Variants in C8orf34 observed in about 807,000 individuals in gnomAD.
C8orf34 encodes the protein chromosome 8 open reading frame 34.
In C8orf34, 65 loss-of-function variants were observed where a neutral mutation model predicts 68.3. The observed-to-expected ratio is 0.95, with a 90% CI of 0.78 to 1.17. C8orf34 has a LOEUF of 1.17. Among genes scored for constraint, C8orf34 ranks in the 50% most tolerant of loss-of-function variants. C8orf34 has a pLI of 0.00. For synonymous variants in C8orf34, 244 were observed against 241.2 expected, an observed-to-expected ratio of 1.01 and a Z score of -0.11; for missense variants, 664 against 655.4, an observed-to-expected ratio of 1.01 and a Z score of -0.14.
At position 68,602,497 on chromosome 8, in the gene C8orf34, C is replaced by T. The variant is rs116518816; in HGVS notation, c.1106-37879C>T. On this transcript the variant is annotated intron_variant, in intron 7 of 13. Transcript: ENST00000518698. ...AGCCCCTTATAAAACCATCAGATCT[C>T]TTGAGAACTTACTCACCATCACGAG... 3.5e-3 allele frequency among the ~76,000 whole-genome samples: 526 copies of T among 152,100 alleles called. 5 individuals carry two copies. Among genetic ancestry groups the T allele is most frequent in the African/African-American group, 0.012 (504 of 41,496 alleles).
At chr8:68,409,441 T>A (rs1809350388) in intron 1 of C8orf34, among the ~76,000 whole-genome samples, 1 of 152,138 alleles carries the variant, frequency 6.6e-6, no homozygotes. Flanking sequence ...CTTAGTTTTT[T>A]AACAAAATTT....
rs546905398 is a variant in C8orf34 at position 68,343,027 on chromosome 8, G to A, written c.327+11688G>A. Among the ~76,000 whole-genome samples the A allele has an allele frequency of 2.0e-5, 3 of 152,142 alleles. No homozygotes were observed. In the South Asian group the frequency reaches 6.2e-4, roughly 32 times the overall value. On this transcript the variant is annotated intron_variant, in intron 1 of 13. Transcript: ENST00000518698. ...AGTTTGGTACTGTATATAGTTTCAG[G>A]CATCCATTTGGGGTCTTGGAATGAA...
intron 2 of C8orf34, among the ~76,000 whole-genome samples, chr8:68,440,693 A>G (rs1342516901): frequency 6.6e-6 from 1 of 152,140 alleles, no homozygotes; most frequent in Non-Finnish European, 1.5e-5. Context: ...AGGTACTAAG[A>G]TGGTACCCAC....
intron 7 of C8orf34, among the ~76,000 whole-genome samples, chr8:68,624,310 C>G (rs1415894994): frequency 6.6e-6 from 1 of 151,114 alleles, no homozygotes; most frequent in Non-Finnish European, 1.5e-5. Flanking sequence ...AGAGTAGTTT[C>G]TCACACACAG....
chr8:68,801,308 C>T (rs1335874161), intron 12 of C8orf34, among the ~76,000 whole-genome samples: 1 of 152,142 alleles, frequency 6.6e-6, no homozygotes, highest in Non-Finnish European at 1.5e-5. Flanking sequence ...AGTTTGGATA[C>T]TCTCTTTGAA....
At chr8:68,428,321 C>T (rs566384113) in intron 1 of C8orf34, among the ~76,000 whole-genome samples, 2 of 152,018 alleles carry the variant, frequency 1.3e-5, no homozygotes, top group Non-Finnish European at 2.9e-5. Context: ...CATCTAAATG[C>T]ATGCTAATGG....
intron 8 of C8orf34, among the ~76,000 whole-genome samples, chr8:68,674,125 A>T (rs1820104522): frequency 6.6e-6 from 1 of 152,162 alleles, no homozygotes. Flanking sequence ...AAAAATGTAG[A>T]TGACAACACC....
At chr8:68,458,845 G>A (rs937073837) in intron 3 of C8orf34, among the ~76,000 whole-genome samples, 9 of 152,218 alleles carry the variant, frequency 5.9e-5, no homozygotes, top group Admixed American at 2.0e-4. Flanking sequence ...CTTAAACCAA[G>A]AAGCTCAGAT....
chr8:68,717,308 G>A (rs1339724226), intron 9 of C8orf34, among the ~76,000 whole-genome samples: 3 of 152,094 alleles, frequency 2.0e-5, no homozygotes, highest in African/African-American at 7.2e-5. Context: ...CGGGCTAGCG[G>A]TTAGGATTCC....
intron 8 of C8orf34, among the ~76,000 whole-genome samples, chr8:68,694,428 G>C (rs1820769904): frequency 6.6e-6 from 1 of 151,982 alleles, no homozygotes; most frequent in African/African-American, 2.4e-5. Flanking sequence ...AAGTTCCTCA[G>C]TTTTGTGTGT....
Position 68,609,925 on chromosome 8 carries a change from C to T in C8orf34, c.1106-30451C>T, listed in dbSNP as rs1007405729. 8.6e-5 allele frequency among the ~76,000 whole-genome samples: 13 copies of T among 152,026 alleles called. 1 individual carries two copies. Among genetic ancestry groups the T allele is most frequent in the Admixed American group, 3.9e-4 (6 of 15,252 alleles). On this transcript the variant is annotated intron_variant, in intron 7 of 13. Coordinates refer to ENST00000518698, the MANE Select transcript of C8orf34 (RefSeq NM_052958.4). ...TGGAGATAAAGAATGAAGCAAAAGA[C>T]GTGGAACAGAAGGGAGTTTCTGCCA...
At chr8:68,334,449 A>G (rs1318524640) in intron 1 of C8orf34, among the ~76,000 whole-genome samples, 1 of 151,332 alleles carries the variant, frequency 6.6e-6, no homozygotes, top group Non-Finnish European at 1.5e-5. Context: ...AATATTATAT[A>G]TAGTGGAATA....
At chr8:68,742,360 A>T (rs1026922082) in intron 10 of C8orf34, among the ~76,000 whole-genome samples, 1 of 152,202 alleles carries the variant, frequency 6.6e-6, no homozygotes, top group Non-Finnish European at 1.5e-5. Flanking sequence ...CTTCTCAAGA[A>T]AAAATAAAAC....
chr8:68,748,215 A>C (rs9772114), intron 10 of C8orf34, among the ~76,000 whole-genome samples: 54,980 of 102,128 alleles, frequency 0.54, 15,897 homozygotes, highest in African/African-American at 0.61. Flanking sequence ...CCCTTCCTTA[A>C]ACCTTATACA....
chr8:68,373,176 A>C (rs918396997), intron 1 of C8orf34, among the ~76,000 whole-genome samples: 2 of 151,936 alleles, frequency 1.3e-5, no homozygotes, highest in African/African-American at 4.8e-5. Context: ...AGTATTTTTA[A>C]TAGAGACAGG....
chr8:68,374,933 TTAAA>T (rs1254772524), intron 1 of C8orf34, among the ~76,000 whole-genome samples: 1 of 152,202 alleles, frequency 6.6e-6, no homozygotes, highest in Non-Finnish European at 1.5e-5. Context: ...GTTGTGAAGA[TTAAA>T]TAGGGATTTA....
chr8:68,332,562 G>A (rs1805672074), intron 1 of C8orf34, among the ~76,000 whole-genome samples: 1 of 152,076 alleles, frequency 6.6e-6, no homozygotes, highest in Admixed American at 6.5e-5. Flanking sequence ...AGAGAAGCAA[G>A]TGAGAACTGT....
chr8:68,722,581 C>T (rs948455685), intron 10 of C8orf34, among the ~76,000 whole-genome samples: 2 of 152,044 alleles, frequency 1.3e-5, no homozygotes, highest in African/African-American at 4.8e-5. Context: ...TTCCCAGACC[C>T]TATTTAAAAT....
chr8:68,776,548 A>G lies in C8orf34; in HGVS notation c.1455+99A>G, dbSNP rs997133196. The G allele has an allele frequency of 5.6e-5, 51 of 903,794 alleles. No homozygotes were observed. The African/African-American group carries it at 8.4e-4, about 15-fold the overall frequency. The allele number at this position is 903,794 out of a possible 1,614,324, so 56.0% of individuals were successfully genotyped here. A position where few individuals can be genotyped will look rare whatever the true frequency, so the allele number is the denominator to read the frequency against. On this transcript the variant is annotated intron_variant, in intron 11 of 13. Coordinates refer to ENST00000518698, the MANE Select transcript of C8orf34 (RefSeq NM_052958.4). ...TTCTCCATCTACTTGTAGGGTTTCTAGTCTGTATGTGTTCAATGGTCATGT... is the reference window on the plus strand; with the variant it reads ...TTCTCCATCTACTTGTAGGGTTTCTGGTCTGTATGTGTTCAATGGTCATGT...
Sources: gnomAD v4.1 joint callset for allele counts (sites outside exome capture counted in the v4.1 genomes callset) on GRCh38, gnomAD v4.1.1 for gene constraint, MANE v1.5 for transcripts, NCBI Gene and HGNC (gene_info 2026-07-23, HGNC 2026-07-21) for gene names.